Variants in HDAC5 observed in about 807,000 individuals in gnomAD.
HDAC5 encodes the protein histone deacetylase 5.
In HDAC5, 25 loss-of-function variants were observed where a neutral mutation model predicts 133.3. The ratio of observed to expected loss-of-function variants is 0.19; its 90% CI spans 0.14 to 0.26. The LOEUF (loss-of-function observed/expected upper bound fraction) is 0.26, where lower values mean the gene tolerates loss of function less well. Among genes scored for constraint, HDAC5 ranks in the 10% least tolerant of loss-of-function variants. The pLI is 1.00. For synonymous variants in HDAC5, 589 were observed against 610.8 expected (o/e 0.96, Z 0.53); for missense variants, 1,041 against 1,460.5 (o/e 0.71, Z 4.68).
chr17:44,082,411 C>T (rs2143065453), intron 20 of HDAC5, 174 bp downstream of exon 20: 1 of 603,192 alleles, frequency 1.7e-6, no homozygotes, highest in South Asian at 2.0e-5. Context: ...TGGAATGTGA[C>T]GTTAGTCATC....
intron 14 of HDAC5, 79 bp downstream of exon 14, chr17:44,086,493 T>C (rs578195196): frequency 2.5e-6 from 3 of 1,200,312 alleles, no homozygotes; most frequent in East Asian, 6.2e-5. Context: ...AGCAGCCTCT[T>C]CCCCCTGCCA....
chr17:44,088,729 G>T, intron 11 of HDAC5, 131 bp from the exon 12 acceptor site: 1 of 1,322,620 alleles, frequency 7.6e-7, no homozygotes, highest in South Asian at 1.5e-5. Context: ...AACCCTGGGG[G>T]ACCTGAAGCA....
chr17:44,092,980 G>C (rs955187804), intron 6 of HDAC5, 112 bp downstream of exon 6: 3 of 738,480 alleles, frequency 4.1e-6, no homozygotes, highest in African/African-American at 3.5e-5. Context: ...TCTCTAAGGA[G>C]AGATTGCAGG....
intron 20 of HDAC5, among the ~76,000 whole-genome samples, chr17:44,081,223 G>A (rs8079948): frequency 0.019 from 2,880 of 152,220 alleles, 119 homozygotes; most frequent in African/African-American, 0.066. Context: ...AAGGCTAGTA[G>A]GGAATTTAAA....
In HDAC5 at chr17:44,082,682, G is replaced by A; in HGVS notation, c.2520-10C>T. 6.2e-7 allele frequency: 1 copy of A among 1,613,658 alleles called. No homozygotes were observed. Among genetic ancestry groups the A allele is most frequent in the Non-Finnish European group, 8.5e-7 (1 of 1,179,578 alleles). ...GAAGAAGCAGAATCCCCTGAGGAGG[G>A]GAGAAAAGGGCAGGAGGTCAGCCTC... On this transcript the variant is annotated splice_polypyrimidine_tract_variant and intron_variant, in intron 19 of 26. Coordinates refer to ENST00000682912, the MANE Select transcript of HDAC5 (RefSeq NM_005474.5).
chr17:44,123,335 T>C (rs1023176426), intron 1 of HDAC5, 169 bp downstream of exon 1: 58 of 330,078 alleles, frequency 1.8e-4, no homozygotes, highest in Non-Finnish European at 2.6e-4. Context: ...GGGCTGCCGA[T>C]GCTCCCGGGG....
Position 44,092,478 on chromosome 17 carries a change from A to C in HDAC5, c.822T>G (p.Ala274=), listed in dbSNP as rs1450116494. The part of the protein sequence containing the change: ...KVRSRLKQKV[A]ERRSSPLLRR... ...GCAGGAGGGGACTGCTTCTCCGCTC[A>C]GCCACCTTCTGTTTTAGCCTTGAAC... Residue 274 remains alanine (A), a synonymous_variant, in exon 8 of 27, where the codon GCT becomes GCG. Coordinates refer to ENST00000682912, the MANE Select transcript of HDAC5 (RefSeq NM_005474.5). The C allele has an allele frequency of 1.2e-6, 2 of 1,613,922 alleles. No individual in the cohort carries two copies. Among genetic ancestry groups the C allele is most frequent in the Admixed American group, 3.3e-5 (2 of 59,992 alleles).
At chr17:44,082,198 G>A in intron 20 of HDAC5, 1 of 197,418 alleles carries the variant, frequency 5.1e-6, no homozygotes, top group Non-Finnish European at 1.0e-5. Context: ...ACTACTCGAG[G>A]TGGCCATAAA....
At chr17:44,113,801 G>A (rs796141760) in intron 2 of HDAC5, among the ~76,000 whole-genome samples, 9 of 152,344 alleles carry the variant, frequency 5.9e-5, no homozygotes, top group African/African-American at 2.2e-4. Flanking sequence ...AGGCTGTGGG[G>A]ATGGGGGGAC....
At chr17:44,121,196 A>C (rs1216833965) in intron 1 of HDAC5, among the ~76,000 whole-genome samples, 2 of 151,968 alleles carry the variant, frequency 1.3e-5, no homozygotes, top group African/African-American at 4.8e-5. Flanking sequence ...TGTTTGCCCT[A>C]AAACCTCAGG....
chr17:44,083,538 C>T lies in HDAC5; in HGVS notation c.2463+7G>A, dbSNP rs1426117955. 2 of 1,607,368 alleles carry T rather than the reference C, an allele frequency of 1.2e-6. No homozygotes were observed. The highest frequency in any genetic ancestry group is 1.1e-5 in the South Asian group (1 of 90,472). On this transcript the variant is annotated splice_region_variant and intron_variant, in intron 18 of 26. Coordinates refer to ENST00000682912, the MANE Select transcript of HDAC5 (RefSeq NM_005474.5). ...AAGGGGCACCGAGGTCACAAGCACA[C>T]GCTCACCTTGAGCTCTCCTGCAGCC... is the stretch of plus-strand genomic sequence containing the variant.
intron 3 of HDAC5, among the ~76,000 whole-genome samples, chr17:44,099,433 C>T (rs1200831401): frequency 1.3e-5 from 2 of 152,136 alleles, no homozygotes; most frequent in East Asian, 1.9e-4. Flanking sequence ...TGGGAAGTCC[C>T]AGCCTGGGTT....
chr17:44,120,578 T>C (rs2052923867), intron 1 of HDAC5: 1 of 152,016 alleles, frequency 6.6e-6, no homozygotes, highest in African/African-American at 2.4e-5. Context: ...CTTTCTCTAC[T>C]AAAAAAATAC....
At chr17:44,101,080 C>G (rs890654121) in intron 3 of HDAC5, among the ~76,000 whole-genome samples, 1 of 150,074 alleles carries the variant, frequency 6.7e-6, no homozygotes, top group Non-Finnish European at 1.5e-5. Flanking sequence ...TGAGCCACTG[C>G]GCCTGGCCTA....
intron 12 of HDAC5, 126 bp downstream of exon 12, chr17:44,088,261 C>T: frequency 7.1e-7 from 1 of 1,417,686 alleles, no homozygotes. Context: ...GATCTGCCCA[C>T]CTCGGCCTCC....
intron 2 of HDAC5, chr17:44,111,766 C>T (rs529464187): frequency 6.7e-5 from 31 of 466,016 alleles, no homozygotes; most frequent in South Asian, 3.7e-4. Context: ...AGCTCCCTCC[C>T]GCTCATTCTG....
intron 3 of HDAC5, among the ~76,000 whole-genome samples, chr17:44,106,489 G>A (rs980542381): frequency 6.6e-6 from 1 of 152,154 alleles, no homozygotes; most frequent in Non-Finnish European, 1.5e-5. Flanking sequence ...GGGTGAGTTG[G>A]GGCTGACATC....
chr17:44,090,830 CA>C (rs1458583817), intron 11 of HDAC5, among the ~76,000 whole-genome samples: 2 of 152,120 alleles, frequency 1.3e-5, no homozygotes, highest in Non-Finnish European at 2.9e-5. Context: ...GCTGGGACTA[CA>C]GGTGCCCACC....
At chr17:44,092,335 C>A (rs761390975) in intron 8 of HDAC5, 46 bp downstream of exon 8, 6 of 1,611,826 alleles carry the variant, frequency 3.7e-6, no homozygotes, top group Non-Finnish European at 5.1e-6. Context: ...ACCCCCGACC[C>A]CTGATTCCCA....
Sources: gnomAD v4.1 joint callset for allele counts (sites outside exome capture counted in the v4.1 genomes callset) on GRCh38, gnomAD v4.1.1 for gene constraint, MANE v1.5 for transcripts, NCBI Gene and HGNC (gene_info 2026-07-23, HGNC 2026-07-21) for gene names.